Variants in MYO1D observed in about 807,000 individuals in gnomAD.
MYO1D encodes the protein myosin ID.
Under a neutral mutation model 122.0 loss-of-function variants are expected in MYO1D, and 83 were observed. The ratio of observed to expected loss-of-function variants is 0.68; its 90% CI spans 0.57 to 0.82. MYO1D has a LOEUF of 0.82. Ranked by LOEUF, MYO1D falls within the 40% of genes least tolerant of loss-of-function variation. The pLI is 0.00. For missense variants in MYO1D, 1,157 were observed against 1,269.5 expected (o/e 0.91, Z 1.35); for synonymous variants, 464 against 446.9 (o/e 1.04, Z -0.48).
Position 32,653,870 on chromosome 17 carries a change from A to G in MYO1D, c.2568T>C (p.Asn856=), listed in dbSNP as rs1049488430. ...NELKRKDKYM[N]VLFSCHVRKV... is the part of the protein sequence containing the mutation. ...TACGGACGTGACAGGAAAAGAGGAC[A>G]TTCATGTATTTGTCCTTCCGTTTCA... The change falls in exon 19 of 22, where the codon AAT becomes AAC. Residue 856 remains asparagine, a synonymous_variant. Coordinates refer to ENST00000318217, the MANE Select transcript of MYO1D (RefSeq NM_015194.3). The G allele has an allele frequency of 1.2e-6, 2 of 1,613,954 alleles. No individual in the cohort carries two copies. The highest frequency in any genetic ancestry group is 1.7e-6 in the Non-Finnish European group (2 of 1,179,890).
At chr17:32,625,037 T>G (rs2087908692) in intron 20 of MYO1D, among the ~76,000 whole-genome samples, 1 of 152,180 alleles carries the variant, frequency 6.6e-6, no homozygotes, top group Non-Finnish European at 1.5e-5. Context: ...GTGATCTGCC[T>G]GCCTTGACCT....
intron 15 of MYO1D, among the ~76,000 whole-genome samples, chr17:32,716,655 A>C: frequency 6.6e-6 from 1 of 152,264 alleles, no homozygotes; most frequent in Admixed American, 6.5e-5. Context: ...TTGTTACACC[A>C]AACTATAGTA....
intron 21 of MYO1D, among the ~76,000 whole-genome samples, chr17:32,558,778 G>C (rs547023613): frequency 6.6e-6 from 1 of 152,172 alleles, no homozygotes; most frequent in Non-Finnish European, 1.5e-5. Context: ...ATCTGACAGG[G>C]AGTATAGTCT....
At chr17:32,777,447 T>G (rs1194486857) in intron 3 of MYO1D, among the ~76,000 whole-genome samples, 1 of 152,134 alleles carries the variant, frequency 6.6e-6, no homozygotes, top group African/African-American at 2.4e-5. Context: ...GAAAACAGTT[T>G]CTCTCTTCAA....
intron 21 of MYO1D, among the ~76,000 whole-genome samples, chr17:32,596,385 C>T (rs1318619344): frequency 1.3e-5 from 2 of 152,156 alleles, no homozygotes; most frequent in African/African-American, 4.8e-5. Flanking sequence ...GAGGGCCAGG[C>T]GCTGGGACCT....
chr17:32,778,087 A>C (rs2090196308), intron 3 of MYO1D, among the ~76,000 whole-genome samples: 1 of 152,144 alleles, frequency 6.6e-6, no homozygotes, highest in Admixed American at 6.5e-5. Context: ...ATGTGGTGCA[A>C]AGAGCAAGGA....
At position 32,538,915 on chromosome 17, in the gene MYO1D, C is replaced by G. The variant is rs60229584; in HGVS notation, c.2865-44000G>C. On this transcript the variant is annotated intron_variant, in intron 21 of 21. Coordinates refer to ENST00000318217, the MANE Select transcript of MYO1D (RefSeq NM_015194.3). ...GCTGAACAATGAGAACACATGGACA[C>G]AGGGAGGGGAACATCACACACAAGA... 7.2e-5 allele frequency among the ~76,000 whole-genome samples: 11 copies of G among 152,024 alleles called. No homozygotes were observed. The East Asian group carries it at 2.1e-3, about 29-fold the overall frequency.
chr17:32,611,624 A>C (rs1335300322), intron 20 of MYO1D, among the ~76,000 whole-genome samples: 1 of 152,232 alleles, frequency 6.6e-6, no homozygotes, highest in Non-Finnish European at 1.5e-5. Context: ...GGATCACTTG[A>C]GGTCAGGAGT....
chr17:32,874,304 C>CTCTCTCTCTCTCTTTTTCTCTG (rs6146033), intron 1 of MYO1D, among the ~76,000 whole-genome samples: 1 of 149,164 alleles, frequency 6.7e-6, no homozygotes, highest in African/African-American at 2.5e-5. Flanking sequence ...GTCTCTGTCT[C>CTCTCTCTCTCTCTTTTTCTCTG]TCTCTCTCTC....
intron 16 of MYO1D, among the ~76,000 whole-genome samples, chr17:32,698,338 C>T (rs1478583354): frequency 1.7e-5 from 2 of 115,090 alleles, no homozygotes; most frequent in Admixed American, 2.1e-4. Flanking sequence ...TCTTTCCTTC[C>T]TTCCTCCCTC....
intron 16 of MYO1D, among the ~76,000 whole-genome samples, chr17:32,686,641 G>A (rs528227320): frequency 7.2e-5 from 11 of 152,224 alleles, no homozygotes; most frequent in African/African-American, 2.6e-4. Context: ...TGAGACAGGA[G>A]GATCATTTGA....
chr17:32,832,047 T>G (rs1425115988), intron 1 of MYO1D, among the ~76,000 whole-genome samples: 2 of 152,212 alleles, frequency 1.3e-5, no homozygotes, highest in African/African-American at 4.8e-5. Context: ...ATGTATACAC[T>G]AGATCTTAGC....
rs905942478 is a variant in MYO1D at position 32,634,580 on chromosome 17, G to A, written c.2709+4142C>T. 9.2e-5 allele frequency among the ~76,000 whole-genome samples: 14 copies of A among 152,196 alleles called. No homozygotes were observed. In the South Asian group the frequency reaches 1.7e-3, roughly 18 times the overall value. On this transcript the variant is annotated intron_variant, in intron 20 of 21. Coordinates refer to ENST00000318217, the MANE Select transcript of MYO1D (RefSeq NM_015194.3). ...ACAACAAATATTGGTCCCATAGTGC[G>A]TGGCTGGAGGCAGTTAAGGAAACAG... is the stretch of plus-strand genomic sequence containing the variant.
intron 1 of MYO1D, among the ~76,000 whole-genome samples, chr17:32,859,941 A>G (rs568257788): frequency 6.6e-6 from 1 of 152,320 alleles, no homozygotes; most frequent in African/African-American, 2.4e-5. Context: ...ATCTATCATC[A>G]GCGCCTGACT....
chr17:32,748,715 C>T (rs567625169), intron 12 of MYO1D, among the ~76,000 whole-genome samples: 3 of 152,094 alleles, frequency 2.0e-5, no homozygotes, highest in Non-Finnish European at 4.4e-5. Context: ...AGGAACTGTA[C>T]GAAATGTACA....
chr17:32,679,673 G>T (rs1427696125), intron 16 of MYO1D, among the ~76,000 whole-genome samples: 8 of 152,098 alleles, frequency 5.3e-5, no homozygotes, highest in African/African-American at 1.7e-4. Context: ...CCTTGTAGTA[G>T]AGTTTGAAGT....
Position 32,538,473 on chromosome 17 carries a change from T to TATTA in MYO1D, c.2865-43559_2865-43558insTAAT, listed in dbSNP as rs1567881660. 3.3e-5 allele frequency among the ~76,000 whole-genome samples: 5 copies of TATTA among 151,116 alleles called. No individual in the cohort carries two copies. In the East Asian group the frequency reaches 9.7e-4, roughly 29 times the overall value. On this transcript the variant is annotated intron_variant, in intron 21 of 21. Coordinates refer to ENST00000318217, the MANE Select transcript of MYO1D (RefSeq NM_015194.3). The stretch of plus-strand genomic sequence containing the variant: ...ATAATTATTATTATTATTATTATTT[T>TATTA]TTTTTTTGTAGAGATGGGGTCTTGC...
intron 13 of MYO1D, among the ~76,000 whole-genome samples, chr17:32,743,697 A>C (rs927689215): frequency 3.3e-5 from 5 of 151,862 alleles, no homozygotes; most frequent in African/African-American, 1.2e-4. Context: ...GGCTCACTGC[A>C]AGCTCCGCCT....
Position 32,560,038 on chromosome 17 carries a change from C to G in MYO1D, c.2864+45049G>C, listed in dbSNP as rs1344227880. 7.2e-5 allele frequency among the ~76,000 whole-genome samples: 11 copies of G among 152,272 alleles called. 1 individual carries two copies. The South Asian group carries it at 2.3e-3, about 32-fold the overall frequency. On this transcript the variant is annotated intron_variant, in intron 21 of 21. Transcript: ENST00000318217. ...TTGGGAGGCCAAGGCGGGCAGATCA[C>G]GAGGTCAGGAGTTCAAGACCAGCCT...
Sources: allele counts gnomAD v4.1 joint callset (sites outside exome capture counted in the v4.1 genomes callset), GRCh38; gene constraint gnomAD v4.1.1; transcripts MANE v1.5; gene names NCBI Gene and HGNC (gene_info 2026-07-23, HGNC 2026-07-21).